STRN3: variants seen among roughly 807,000 people sequenced by gnomAD.
STRN3 encodes striatin 3.
Under a neutral mutation model 95.6 loss-of-function variants are expected in STRN3, and 29 were observed. The ratio of observed to expected loss-of-function variants is 0.30; its 90% CI spans 0.23 to 0.41. The LOEUF is 0.41. Among genes scored for constraint, STRN3 ranks in the 10% least tolerant of loss-of-function variants. The probability of loss-of-function intolerance (pLI) is 1.00; values close to 1 mark genes in which losing one functional copy is unlikely to be tolerated. For missense variants in STRN3, 890 were observed against 972.1 expected, an observed-to-expected ratio of 0.92 and a Z score of 1.12; for synonymous variants, 331 against 357.6, an observed-to-expected ratio of 0.93 and a Z score of 0.84.
At chr14:30,935,351 A>G in intron 6 of STRN3, 47 bp from the exon 7 acceptor site, 2 of 1,587,146 alleles carry the variant, frequency 1.3e-6, no homozygotes, top group Non-Finnish European at 1.7e-6. Context: ...CTAAATGGAA[A>G]AGGGATGCTT....
At chr14:30,938,973 T>C (rs1878961002) in intron 5 of STRN3, among the ~76,000 whole-genome samples, 2 of 152,162 alleles carry the variant, frequency 1.3e-5, no homozygotes, top group African/African-American at 4.8e-5. Flanking sequence ...TACTGTTTCA[T>C]GGATCCTGAA....
At chr14:30,899,395 A>G (rs1896244667) in intron 16 of STRN3, among the ~76,000 whole-genome samples, 1 of 152,238 alleles carries the variant, frequency 6.6e-6, no homozygotes, top group South Asian at 2.1e-4. Flanking sequence ...AAAGTCAAGA[A>G]TCTATCATAT....
chr14:30,895,044 C>A lies in STRN3; in HGVS notation c.*367G>T. On this transcript the variant is annotated 3_prime_UTR_variant, in exon 18 of 18. Coordinates refer to ENST00000357479, the MANE Select transcript of STRN3 (RefSeq NM_001083893.2). ...CACATTCCTAACCCCTAAGGCAGCA[C>A]ACAGAGTCCAAAAAAAAAAAAAAAA... 1 of 54,794 alleles carries A rather than the reference C, an allele frequency of 1.8e-5. No homozygotes were observed. The highest frequency in any genetic ancestry group is 4.1e-4 in the South Asian group (1 of 2,436). The allele number at this position is 54,794 out of a possible 1,614,324, so 3.4% of individuals were successfully genotyped here.
At chr14:31,014,240 A>G (rs1381417729) in intron 1 of STRN3, among the ~76,000 whole-genome samples, 2 of 151,904 alleles carry the variant, frequency 1.3e-5, no homozygotes, top group African/African-American at 4.8e-5. Context: ...TGCTGTTCTG[A>G]GACAGAGTCT....
At chr14:30,968,370 A>C (rs67209135) in intron 1 of STRN3, among the ~76,000 whole-genome samples, 1 of 139,360 alleles carries the variant, frequency 7.2e-6, no homozygotes, top group South Asian at 2.3e-4. Context: ...GTCCTAAAAT[A>C]AGATTAACTG....
chr14:30,901,651 C>T (rs1286030864), intron 16 of STRN3, among the ~76,000 whole-genome samples: 1 of 152,058 alleles, frequency 6.6e-6, no homozygotes, highest in Non-Finnish European at 1.5e-5. Context: ...TGAAAGAGAG[C>T]AAGCTATCTA....
chr14:30,907,892 A>G (rs1159783077), intron 13 of STRN3, among the ~76,000 whole-genome samples: 1 of 152,170 alleles, frequency 6.6e-6, no homozygotes, highest in African/African-American at 2.4e-5. Flanking sequence ...CCCACTTTCC[A>G]TGAATGGTTC....
intron 16 of STRN3, 50 bp downstream of exon 16, chr14:30,902,483 GATC>G: frequency 1.6e-6 from 2 of 1,235,952 alleles, no homozygotes; most frequent in Non-Finnish European, 2.3e-6. Context: ...CAGCATTTTT[GATC>G]ATCTCAAATT....
intron 11 of STRN3, 73 bp from the exon 12 acceptor site, chr14:30,911,897 T>C (rs1896620097): frequency 3.2e-6 from 5 of 1,562,938 alleles, no homozygotes; most frequent in Admixed American, 1.9e-5. Flanking sequence ...TGATATTAAA[T>C]AGTCATTAGA....
chr14:30,920,701 T>G (rs148630619), intron 8 of STRN3, among the ~76,000 whole-genome samples: 226 of 152,272 alleles, frequency 1.5e-3, no homozygotes, highest in African/African-American at 5.3e-3. Flanking sequence ...GACTCCTAAT[T>G]GGTTTTTCTA....
At chr14:30,983,947 T>C (rs1049699945) in intron 1 of STRN3, among the ~76,000 whole-genome samples, 4 of 152,044 alleles carry the variant, frequency 2.6e-5, no homozygotes, top group African/African-American at 9.7e-5. Context: ...ACATTACTTA[T>C]CAATTAAGTT....
intron 13 of STRN3, among the ~76,000 whole-genome samples, chr14:30,909,197 A>AT (rs1295996429): frequency 3.3e-5 from 5 of 151,808 alleles, no homozygotes; most frequent in East Asian, 3.9e-4. Context: ...GTAGACTTTA[A>AT]TTTTTTTTTA....
chr14:31,025,626 G>A (rs1427250428), intron 1 of STRN3: 8 of 505,078 alleles, frequency 1.6e-5, no homozygotes, highest in Non-Finnish European at 1.4e-5. Flanking sequence ...GGCCGCCTCC[G>A]GAGGAGCCCC....
At chr14:30,901,333 A>G (rs1172423655) in intron 16 of STRN3, among the ~76,000 whole-genome samples, 1 of 152,154 alleles carries the variant, frequency 6.6e-6, no homozygotes, top group Non-Finnish European at 1.5e-5. Flanking sequence ...CTTGAATCTT[A>G]TGTCCTGTGC....
intron 4 of STRN3, 99 bp downstream of exon 4, chr14:30,950,764 C>T: frequency 8.9e-7 from 1 of 1,122,508 alleles, no homozygotes; most frequent in Non-Finnish European, 1.3e-6. Context: ...AAAAAACATA[C>T]ACATTGTCCC....
chr14:30,933,314 A>AAGAACC (rs1418772943), intron 7 of STRN3, among the ~76,000 whole-genome samples: 1 of 148,896 alleles, frequency 6.7e-6, no homozygotes, highest in Non-Finnish European at 1.5e-5. Flanking sequence ...AACGATGCAG[A>AAGAACC]AGAACCATGT....
At chr14:30,940,743 G>A (rs1341807799) in intron 5 of STRN3, among the ~76,000 whole-genome samples, 1 of 152,112 alleles carries the variant, frequency 6.6e-6, no homozygotes. Flanking sequence ...TTGTATTACT[G>A]TTTTAATCAA....
intron 1 of STRN3, among the ~76,000 whole-genome samples, chr14:30,997,834 C>T (rs575149027): frequency 1.8e-4 from 28 of 152,260 alleles, no homozygotes; most frequent in African/African-American, 6.7e-4. Flanking sequence ...GCAAAAAAGG[C>T]AGAGTGGAGA....
At chr14:30,988,214 A>C (rs114514879) in intron 1 of STRN3, among the ~76,000 whole-genome samples, 2,811 of 152,308 alleles carry the variant, frequency 0.018, 79 homozygotes, top group African/African-American at 0.063. Context: ...TTAAAAAACA[A>C]TGTCCAAGAT....
Sources: gnomAD v4.1 joint callset for allele counts (sites outside exome capture counted in the v4.1 genomes callset) on GRCh38, gnomAD v4.1.1 for gene constraint, MANE v1.5 for transcripts, NCBI Gene and HGNC (gene_info 2026-07-23, HGNC 2026-07-21) for gene names.